The following INPP5B variants were observed in gnomAD, a reference collection of about 807,000 sequenced individuals.
The protein encoded by INPP5B is inositol polyphosphate-5-phosphatase B, also known as type II inositol 1,4,5-trisphosphate 5-phosphatase.
Under a neutral mutation model 118.5 loss-of-function variants are expected in INPP5B, and 90 were observed. The ratio of observed to expected loss-of-function variants is 0.76; its 90% CI spans 0.64 to 0.90. INPP5B has a LOEUF of 0.90. Ranked by LOEUF, INPP5B falls within the 40% of genes least tolerant of loss-of-function variation. The probability of loss-of-function intolerance (pLI) is 0.00; values close to 1 mark genes in which losing one functional copy is unlikely to be tolerated. For missense variants in INPP5B, 984 were observed against 1,125.6 expected (o/e 0.87, Z 1.80); for synonymous variants, 385 against 418.9 (o/e 0.92, Z 0.99).
At chr1:37,891,229 A>C in intron 8 of INPP5B, 129 bp downstream of exon 8, 1 of 387,732 alleles carries the variant, frequency 2.6e-6, no homozygotes, top group Non-Finnish European at 4.5e-6. Context: ...CTCTGTCTCA[A>C]AAAAAAAAAA....
chr1:37,920,386 C>T (rs1050712628), intron 7 of INPP5B, among the ~76,000 whole-genome samples: 22 of 151,984 alleles, frequency 1.4e-4, no homozygotes, highest in African/African-American at 4.8e-4. Context: ...AGAATGTGGC[C>T]GGGAGCGGTG....
At chr1:37,865,684 A>G (rs929800046) in intron 22 of INPP5B, 77 bp downstream of exon 22, 2 of 1,500,718 alleles carry the variant, frequency 1.3e-6, no homozygotes, top group Non-Finnish European at 1.8e-6. Context: ...GCTGCACTTG[A>G]GGAACTGTGT....
At chr1:37,894,227 A>C (rs1423595690) in intron 7 of INPP5B, among the ~76,000 whole-genome samples, 2 of 152,212 alleles carry the variant, frequency 1.3e-5, no homozygotes, top group Non-Finnish European at 2.9e-5. Flanking sequence ...TATAGGCTGC[A>C]CTTCACCAAC....
At chr1:37,930,518 T>TG (rs1645413623) in intron 7 of INPP5B, 1 of 152,294 alleles carries the variant, frequency 6.6e-6, no homozygotes, top group South Asian at 2.1e-4. Context: ...CAGTCTCTTG[T>TG]GAAGGGGCAA....
intron 7 of INPP5B, among the ~76,000 whole-genome samples, chr1:37,896,530 C>T (rs1644084033): frequency 1.4e-5 from 2 of 145,496 alleles, no homozygotes; most frequent in African/African-American, 2.6e-5. Context: ...GGCGCCTCTG[C>T]CCGGCCGCCC....
At chr1:37,904,864 C>T (rs1557678031) in intron 7 of INPP5B, among the ~76,000 whole-genome samples, 1 of 146,982 alleles carries the variant, frequency 6.8e-6, no homozygotes, top group Non-Finnish European at 1.5e-5. Flanking sequence ...GAAACAAGAG[C>T]ACAACTCCAT....
At chr1:37,936,990 T>C (rs1022942953) in intron 6 of INPP5B, among the ~76,000 whole-genome samples, 3 of 152,000 alleles carry the variant, frequency 2.0e-5, no homozygotes, top group Non-Finnish European at 2.9e-5. Flanking sequence ...ACATCGATAA[T>C]ACTTCCCTTG....
intron 7 of INPP5B, among the ~76,000 whole-genome samples, chr1:37,926,473 G>A (rs899175478): frequency 2.0e-5 from 3 of 151,980 alleles, no homozygotes; most frequent in African/African-American, 7.3e-5. Flanking sequence ...TAGTAGAGAT[G>A]GGGTTTCACC....
At position 37,921,901 on chromosome 1, in the gene INPP5B, G is replaced by A. The variant is rs545265741; in HGVS notation, c.532+10012C>T. Among the ~76,000 whole-genome samples, 295 of 152,206 alleles carry A rather than the reference G, an allele frequency of 1.9e-3. 1 individual carries two copies. Among genetic ancestry groups the A allele is most frequent in the Non-Finnish European group, 3.1e-3 (210 of 68,012 alleles). On this transcript the variant is annotated intron_variant, in intron 7 of 23. Coordinates refer to ENST00000373024, the MANE Select transcript of INPP5B (RefSeq NM_005540.3). ...GGGCACCTGTAACGGGCTTGCTGGC[G>A]AGCGCCTGTAATCCCAGCTACTCAG... is the stretch of plus-strand genomic sequence containing the variant.
intron 22 of INPP5B, 49 bp downstream of exon 22, chr1:37,865,712 C>T (rs991408220): frequency 6.2e-7 from 1 of 1,601,148 alleles, no homozygotes; most frequent in African/African-American, 1.3e-5. Flanking sequence ...GTTCCCTTAG[C>T]CCCATGGGGT....
chr1:37,887,046 G>C, intron 11 of INPP5B, 42 bp from the exon 12 acceptor site: 7 of 1,518,150 alleles, frequency 4.6e-6, no homozygotes, highest in Middle Eastern at 1.7e-4. Context: ...ATTGCAAACA[G>C]GAATAAATAC....
rs557466637 is a variant in INPP5B, at chr1:37,890,311, G to A, written c.630-587C>T. Among the ~76,000 whole-genome samples, 6 of 151,660 alleles carry A rather than the reference G, an allele frequency of 4.0e-5. No homozygotes were observed. The South Asian group carries it at 1.0e-3, about 26-fold the overall frequency. On this transcript the variant is annotated intron_variant, in intron 8 of 23. Coordinates refer to ENST00000373024, the MANE Select transcript of INPP5B (RefSeq NM_005540.3). ...AACCACTTGAACCTGGGAGACGGAG[G>A]CTGCAGTGACTGGGTGACAAAGTGA...
At chr1:37,909,197 A>G (rs939213600) in intron 7 of INPP5B, among the ~76,000 whole-genome samples, 1 of 152,058 alleles carries the variant, frequency 6.6e-6, no homozygotes, top group Admixed American at 6.6e-5. Context: ...TCTGTTCCCA[A>G]TGAGATTCAT....
intron 7 of INPP5B, chr1:37,928,878 A>G (rs1433828615): frequency 1.3e-5 from 2 of 152,006 alleles, no homozygotes; most frequent in Non-Finnish European, 2.9e-5. Flanking sequence ...TATAGGAAAA[A>G]ACAAATCTAC....
chr1:37,875,662 A>T lies in INPP5B; in HGVS notation c.1732T>A (p.Ser578Thr). ...TTGGCATTTTCCATCTTATCCAGGG[A>T]GCGAACAATTTCCTCCAGTGTCTTC... is the stretch of plus-strand genomic sequence containing the variant. ...YRKTLEEIVR[S>T]LDKMENANIP... The change falls in exon 17 of 24, where the codon TCC becomes ACC. Residue 578 changes from serine to threonine, a missense_variant. By Grantham distance (58) the Ser-to-Thr change is moderately conservative (BLOSUM62 1). Coordinates refer to ENST00000373024, the MANE Select transcript of INPP5B (RefSeq NM_005540.3). The T allele has an allele frequency of 6.2e-7, 1 of 1,614,166 alleles. No individual in the cohort carries two copies. Among genetic ancestry groups the T allele is most frequent in the Non-Finnish European group, 8.5e-7 (1 of 1,180,000 alleles).
Position 37,887,361 on chromosome 1 carries a change from T to C in INPP5B, c.1004A>G (p.Lys335Arg), listed in dbSNP as rs1342749199. The C allele has an allele frequency of 6.3e-7, 1 of 1,597,522 alleles. No homozygotes were observed. The highest frequency in any genetic ancestry group is 1.7e-5 in the Admixed American group (1 of 59,046). The change falls in exon 11 of 24, where the codon AAA becomes AGA. Residue 335 changes from lysine (K) to arginine (R), a missense_variant. Lys to Arg is a conservative substitution (Grantham distance 26). Around this residue, in one of 2 missense-constraint regions of INPP5B, gnomAD observed 634 missense variants for 791.0 expected, o/e 0.80. Transcript: ENST00000373024. ...TGACTCCTCTCTTACCTTTGCATATTTGGCATCTGGATGAAGACCCTCTGA... is the reference window on the plus strand; with the variant it reads ...TGACTCCTCTCTTACCTTTGCATATCTGGCATCTGGATGAAGACCCTCTGA... ...AVSEGLHPDA[K>R]YAKVKLIRLV...
chr1:37,880,095 A>G lies in INPP5B; in HGVS notation c.1531T>C (p.Trp511Arg), dbSNP rs1643100668. The G allele has an allele frequency of 6.2e-7, 1 of 1,605,452 alleles. No homozygotes were observed. The highest frequency in any genetic ancestry group is 8.5e-7 in the Non-Finnish European group (1 of 1,173,392). The change falls in exon 15 of 24, where the codon TGG (tryptophan) becomes CGG (arginine). Residue 511 changes from tryptophan (W) to arginine (R), a missense_variant. Physicochemically the swap from Trp to Arg is moderately radical, Grantham distance 101 (BLOSUM62 -3). Around this residue, in one of 2 missense-constraint regions of INPP5B, gnomAD observed 634 missense variants for 791.0 expected, o/e 0.80. Coordinates refer to ENST00000373024, the MANE Select transcript of INPP5B (RefSeq NM_005540.3). ...TYKYDTGSDD[W>R]DTSEKCRAPA... is the part of the protein sequence containing the mutation. ...CAACCTCTGACCTACCTGGTATCCCAGTCGTCAGAGCCCGTATCATACTTG... is the reference window on the plus strand; with the variant it reads ...CAACCTCTGACCTACCTGGTATCCCGGTCGTCAGAGCCCGTATCATACTTG...
In INPP5B at chr1:37,882,851, G is replaced by C; in HGVS notation, c.1387C>G (p.Leu463Val). ...EELDVEKVKK[L>V]IEEKDFQMLY... ...ATTTGAAAGTCCTTCTCTTCGATGA[G>C]CTTTTTCACTTTTTCCACATCCAGC... The change falls in exon 14 of 24, where the codon CTC becomes GTC. Residue 463 changes from leucine to valine, a missense_variant. By Grantham distance (32) the Leu-to-Val change is conservative. Around this residue, in one of 2 missense-constraint regions of INPP5B, gnomAD observed 634 missense variants for 791.0 expected, o/e 0.80. Transcript: ENST00000373024. The C allele has an allele frequency of 3.1e-6, 5 of 1,614,090 alleles. No individual in the cohort carries two copies. Among genetic ancestry groups the C allele is most frequent in the Non-Finnish European group, 4.2e-6 (5 of 1,179,990 alleles).
chr1:37,928,307 G>A (rs1354457559), intron 7 of INPP5B, among the ~76,000 whole-genome samples: 1 of 152,094 alleles, frequency 6.6e-6, no homozygotes, highest in Non-Finnish European at 1.5e-5. Context: ...CCAAGTAGCA[G>A]GGATTACAGG....
Sources: gnomAD v4.1 joint callset for allele counts (sites outside exome capture counted in the v4.1 genomes callset) on GRCh38, gnomAD v4.1.1 for gene constraint, gnomAD v4.1.1 regional missense constraint, MANE v1.5 for transcripts, NCBI Gene and HGNC (gene_info 2026-07-23, HGNC 2026-07-21) for gene names.